Variants in DRICH1 observed in about 807,000 individuals in gnomAD.
DRICH1 encodes aspartate rich 1.
DRICH1 carries 38 observed loss-of-function variants against 39.5 expected under a neutral mutation model. The ratio of observed to expected loss-of-function variants is 0.96; its 90% confidence interval spans 0.74 to 1.26. DRICH1 has a LOEUF of 1.26. Ranked by LOEUF, DRICH1 falls within the 50% of genes most tolerant of loss-of-function variation. The pLI, the probability that DRICH1 is intolerant of heterozygous loss-of-function variation, is 0.00. For synonymous variants in DRICH1, 84 were observed against 99.5 expected (o/e 0.84, Z 0.93); for missense variants, 279 against 270.4 (o/e 1.03, Z -0.22).
intron 11 of DRICH1, among the ~76,000 whole-genome samples, chr22:23,611,843 C>T (rs564356401): frequency 1.3e-5 from 2 of 152,136 alleles, no homozygotes; most frequent in Non-Finnish European, 2.9e-5. Context: ...ACCTACTGCG[C>T]TGCGTCATTA....
the DRICH1 span, among the ~76,000 whole-genome samples, chr22:23,592,051 G>A: frequency 7.2e-5 from 11 of 152,048 alleles, no homozygotes; most frequent in Non-Finnish European, 1.5e-4. Context: ...GGTGTTTCCC[G>A]AGGCACGTCC....
At chr22:23,629,030 TA>T (rs1383313562) in intron 1 of DRICH1, among the ~76,000 whole-genome samples, 2 of 146,530 alleles carry the variant, frequency 1.4e-5, no homozygotes, top group African/African-American at 5.0e-5. Flanking sequence ...CTCTTCTCTT[TA>T]ATTTTTTGTT....
the DRICH1 span, among the ~76,000 whole-genome samples, chr22:23,594,522 A>G: frequency 6.6e-6 from 1 of 152,364 alleles, no homozygotes. Flanking sequence ...GTAAGCCAAG[A>G]TCGCACCACT....
chr22:23,582,841 G>C, the DRICH1 span, among the ~76,000 whole-genome samples: 5 of 151,234 alleles, frequency 3.3e-5, no homozygotes, highest in Non-Finnish European at 7.4e-5. Flanking sequence ...GATTACAGGC[G>C]TGAGCCATCG....
rs755081585 is a variant in DRICH1 at position 23,626,050 on chromosome 22, TA to T, written c.209-3del. ...AACTCAGGCGGTCCTCAGGGGGACCTAAAAGGACACAGAGTTAATGTCAGTG... is the reference window on the plus strand; with the variant it reads ...AACTCAGGCGGTCCTCAGGGGGACCTAAAGGACACAGAGTTAATGTCAGTG... On this transcript the variant is annotated splice_region_variant and splice_polypyrimidine_tract_variant and intron_variant, in intron 1 of 11. Transcript: ENST00000317749. 5 of 1,609,852 alleles carry T rather than the reference TA, an allele frequency of 3.1e-6. No individual in the cohort carries two copies. The highest frequency in any genetic ancestry group is 2.7e-5 in the African/African-American group (2 of 74,986).
At chr22:23,618,938 C>A (rs1367929756) in intron 6 of DRICH1, among the ~76,000 whole-genome samples, 1 of 151,822 alleles carries the variant, frequency 6.6e-6, no homozygotes, top group African/African-American at 2.4e-5. Context: ...CTTTGGGAGG[C>A]CGAGGTGGGG....
At position 23,619,374 on chromosome 22, in the gene DRICH1, A is replaced by G. The variant is rs1326535968; in HGVS notation, c.426T>C (p.Asp142=). 5.1e-6 allele frequency: 4 copies of G among 780,684 alleles called. No individual in the cohort carries two copies. The highest frequency in any genetic ancestry group is 9.6e-6 in the Non-Finnish European group (4 of 417,942). The allele number at this position is 780,684 out of a possible 1,614,324, so 48.4% of individuals were successfully genotyped here. Residue 142 remains aspartate (D), a synonymous_variant, in exon 6 of 12, where the codon GAT becomes GAC. Transcript: ENST00000317749. ...GATCTACAGACTCACAAGAACTGCT[A>G]TCAAACCGGTAACAGCCACCTGCGG... ...SRVQGGCYRF[D]SSSCSSEDNL...
At chr22:23,616,075 C>T (rs1414974649) in intron 8 of DRICH1, among the ~76,000 whole-genome samples, 3 of 152,188 alleles carry the variant, frequency 2.0e-5, no homozygotes, top group Non-Finnish European at 4.4e-5. Flanking sequence ...CCAGGAAGAG[C>T]TCTTGATACC....
At chr22:23,614,063 C>A in intron 9 of DRICH1, 72 bp downstream of exon 9, 5 of 1,059,834 alleles carry the variant, frequency 4.7e-6, no homozygotes, top group South Asian at 2.6e-5. Context: ...ATTTTCATAT[C>A]AAAATTAATT....
chr22:23,623,933 T>C, intron 3 of DRICH1: 3 of 619,350 alleles, frequency 4.8e-6, no homozygotes, highest in Non-Finnish European at 5.5e-6. Flanking sequence ...AACTGCATAT[T>C]CTCAACAGAA....
intron 2 of DRICH1, 142 bp from the exon 3 acceptor site, chr22:23,625,046 G>T: frequency 1.1e-6 from 1 of 948,812 alleles, no homozygotes. Flanking sequence ...AAACACTTTA[G>T]CATAGAGGAC....
At chr22:23,627,766 G>A (rs983852688) in intron 1 of DRICH1, among the ~76,000 whole-genome samples, 1 of 152,172 alleles carries the variant, frequency 6.6e-6, no homozygotes, top group African/African-American at 2.4e-5. Context: ...TCATCTCCAG[G>A]GACCCTGACT....
the DRICH1 span, among the ~76,000 whole-genome samples, chr22:23,599,294 G>A: frequency 1.3e-5 from 2 of 152,192 alleles, no homozygotes; most frequent in Non-Finnish European, 2.9e-5. Flanking sequence ...CGTGTTCACA[G>A]ACCTGGTCTA....
At chr22:23,614,804 C>T (rs1927256415) in intron 8 of DRICH1, among the ~76,000 whole-genome samples, 1 of 150,280 alleles carries the variant, frequency 6.7e-6, no homozygotes, top group Non-Finnish European at 1.5e-5. Flanking sequence ...CTTCTACACA[C>T]ACTTTTGGAC....
intron 4 of DRICH1, among the ~76,000 whole-genome samples, 192 bp from the exon 5 acceptor site, chr22:23,620,807 T>C (rs1289037337): frequency 6.6e-6 from 1 of 152,180 alleles, no homozygotes; most frequent in Non-Finnish European, 1.5e-5. Context: ...AGAATTTATC[T>C]TTAAGGTATT....
rs200496599 is a variant in DRICH1 at position 23,613,342 on chromosome 22, A to G, written c.644-12T>C. On this transcript the variant is annotated splice_polypyrimidine_tract_variant and intron_variant, in intron 10 of 11. Transcript: ENST00000317749. ...CTCCAGCGTCAAGTCTTTAGAAACA[A>G]AAACACCAGAATAAGTCATTAGAGA... 1 of 1,608,978 alleles carries G rather than the reference A, an allele frequency of 6.2e-7. No homozygotes were observed. Among genetic ancestry groups the G allele is most frequent in the Middle Eastern group, 1.7e-4 (1 of 6,056 alleles).
At chr22:23,589,387 G>C in the DRICH1 span, among the ~76,000 whole-genome samples, 1 of 152,008 alleles carries the variant, frequency 6.6e-6, no homozygotes, top group African/African-American at 2.4e-5. Flanking sequence ...AGAGCTCGAG[G>C]CTGCAGTGAG....
At chr22:23,615,280 G>T (rs1927287514) in intron 8 of DRICH1, among the ~76,000 whole-genome samples, 1 of 152,178 alleles carries the variant, frequency 6.6e-6, no homozygotes, top group Non-Finnish European at 1.5e-5. Flanking sequence ...GGAGGCTGAG[G>T]CAGGAGAATC....
At chr22:23,590,479 T>C in the DRICH1 span, among the ~76,000 whole-genome samples, 1,019 of 152,040 alleles carry the variant, frequency 6.7e-3, 15 homozygotes, top group African/African-American at 0.023. Flanking sequence ...GGTTTTGCCT[T>C]GTTGCCCAGG....
Sources: gnomAD v4.1 joint callset for allele counts (sites outside exome capture counted in the v4.1 genomes callset) on GRCh38, gnomAD v4.1.1 for gene constraint, MANE v1.5 for transcripts, NCBI Gene and HGNC (gene_info 2026-07-23, HGNC 2026-07-21) for gene names.